Variants in ATP10B observed in about 807,000 individuals in gnomAD.
ATP10B encodes the protein phospholipid-transporting ATPase VB.
A neutral mutation model predicts 141.2 loss-of-function variants in ATP10B; 122 were observed. The ratio of observed to expected loss-of-function variants is 0.86; its 90% CI spans 0.75 to 1.00. The LOEUF is 1.00. Among genes scored for constraint, ATP10B ranks in the 50% least tolerant of loss-of-function variants. The probability of loss-of-function intolerance (pLI) is 0.00; values close to 1 mark genes in which losing one functional copy is unlikely to be tolerated. For missense variants in ATP10B, 1,876 were observed against 1,825.3 expected, an observed-to-expected ratio of 1.03 and a Z score of -0.51; for synonymous variants, 685 against 692.0, an observed-to-expected ratio of 0.99 and a Z score of 0.16.
At chr5:160,727,950 A>T (rs1766474016) in intron 2 of ATP10B, among the ~76,000 whole-genome samples, 1 of 152,200 alleles carries the variant, frequency 6.6e-6, no homozygotes, top group Non-Finnish European at 1.5e-5. Flanking sequence ...TTAGGTCTAC[A>T]ATCTAAGTCT....
At chr5:160,917,329 ATG>A in the ATP10B span, among the ~76,000 whole-genome samples, 3 of 136,594 alleles carry the variant, frequency 2.2e-5, no homozygotes, top group Non-Finnish European at 3.0e-5. Context: ...CCACTCATTC[ATG>A]TGTGAGGGAC....
intron 22 of ATP10B, among the ~76,000 whole-genome samples, chr5:160,597,769 T>G (rs1420390924): frequency 7.9e-5 from 12 of 152,176 alleles, no homozygotes; most frequent in Admixed American, 5.9e-4. Context: ...AGAAGACATT[T>G]ACGCAGCCAA....
the ATP10B span, among the ~76,000 whole-genome samples, chr5:160,892,227 G>C: frequency 6.6e-6 from 1 of 152,254 alleles, no homozygotes; most frequent in Non-Finnish European, 1.5e-5. Flanking sequence ...TGGGATTCAC[G>C]TGATCTGGCT....
chr5:160,905,664 A>C, the ATP10B span, among the ~76,000 whole-genome samples: 1 of 152,182 alleles, frequency 6.6e-6, no homozygotes, highest in Non-Finnish European at 1.5e-5. Flanking sequence ...TAAAGCACTC[A>C]ACAAAGGACC....
At chr5:160,673,446 T>G (rs565669790) in intron 6 of ATP10B, among the ~76,000 whole-genome samples, 1 of 152,352 alleles carries the variant, frequency 6.6e-6, no homozygotes, top group Non-Finnish European at 1.5e-5. Flanking sequence ...CTCATTTAGT[T>G]ATTTAAAAAT....
Position 160,606,944 on chromosome 5 carries a change from G to T in ATP10B, c.2981C>A (p.Ala994Asp). 1 of 1,614,160 alleles carries T rather than the reference G, an allele frequency of 6.2e-7. No homozygotes were observed. The highest frequency in any genetic ancestry group is 8.5e-7 in the Non-Finnish European group (1 of 1,180,010). ...SITSEAVVPE[A>D]GLVIDGKTLN... ...TGTCTTCCCATCGATGACCAATCCA[G>T]CTTCTGGAACCACAGCTTCTGAGGT... is the stretch of plus-strand genomic sequence containing the variant. Residue 994 changes from alanine (A) to aspartate (D), a missense_variant, in exon 19 of 26, where the codon GCT becomes GAT. By Grantham distance (126) the Ala-to-Asp change is moderately radical. Transcript: ENST00000327245.
At chr5:160,650,214 G>A (rs1276579740) in intron 7 of ATP10B, among the ~76,000 whole-genome samples, 2 of 148,248 alleles carry the variant, frequency 1.3e-5, no homozygotes, top group East Asian at 3.9e-4. Flanking sequence ...ACACACATAT[G>A]TACATATACA....
rs1459385621 is a variant in ATP10B at position 160,620,671 on chromosome 5, A to G, written c.2092T>C (p.Ser698Pro). 1 of 1,613,758 alleles carries G rather than the reference A, an allele frequency of 6.2e-7. No individual in the cohort carries two copies. Among genetic ancestry groups the G allele is most frequent in the Non-Finnish European group, 8.5e-7 (1 of 1,179,692 alleles). ...GDILESGSGT[S>P]LEEALEAPAT... is the part of the protein sequence containing the mutation. ...GGGGCCTCCAATGCCTCCTCCAAGGAAGTGCCTGACCCAGACTCCAGGATG... is the reference window on the plus strand; with the variant it reads ...GGGGCCTCCAATGCCTCCTCCAAGGGAGTGCCTGACCCAGACTCCAGGATG... Residue 698 changes from serine (S) to proline (P), a missense_variant, in exon 15 of 26, where the codon TCC becomes CCC. Coordinates refer to ENST00000327245, the MANE Select transcript of ATP10B (RefSeq NM_025153.3).
At chr5:160,789,365 A>C (rs534648131) in intron 1 of ATP10B, among the ~76,000 whole-genome samples, 1 of 152,172 alleles carries the variant, frequency 6.6e-6, no homozygotes, top group Non-Finnish European at 1.5e-5. Context: ...CAGATGGTAA[A>C]GCCTACTCTA....
intron 7 of ATP10B, among the ~76,000 whole-genome samples, chr5:160,657,719 C>T (rs1243597181): frequency 6.6e-6 from 1 of 152,336 alleles, no homozygotes; most frequent in African/African-American, 2.4e-5. Context: ...CTAAAAGGAA[C>T]TAATTGTTGG....
chr5:160,736,321 G>A (rs537516359), intron 2 of ATP10B, among the ~76,000 whole-genome samples: 2 of 152,318 alleles, frequency 1.3e-5, no homozygotes, highest in African/African-American at 4.8e-5. Context: ...GTTAGTGGCT[G>A]CTATGAGCAA....
chr5:160,669,790 C>T (rs1762556722), intron 7 of ATP10B, among the ~76,000 whole-genome samples: 1 of 151,248 alleles, frequency 6.6e-6, no homozygotes, highest in African/African-American at 2.4e-5. Flanking sequence ...TTAGTAGAGA[C>T]AGGGTTTCAC....
chr5:160,732,310 T>A (rs1766803694), intron 2 of ATP10B, among the ~76,000 whole-genome samples: 2 of 152,306 alleles, frequency 1.3e-5, no homozygotes, highest in Non-Finnish European at 1.5e-5. Flanking sequence ...GATACAGCAA[T>A]AAAATTATCA....
chr5:160,580,447 A>T (rs944409539), intron 24 of ATP10B, among the ~76,000 whole-genome samples: 2 of 130,680 alleles, frequency 1.5e-5, no homozygotes, highest in African/African-American at 2.7e-5. Flanking sequence ...GGTTCTGTTT[A>T]TGTGATGGAT....
At chr5:160,673,784 C>T (rs1412698851) in intron 6 of ATP10B, among the ~76,000 whole-genome samples, 1 of 152,132 alleles carries the variant, frequency 6.6e-6, no homozygotes, top group Non-Finnish European at 1.5e-5. Context: ...AATATTTTTC[C>T]TTCTTCAAAG....
At chr5:160,760,033 G>A (rs185504682) in intron 2 of ATP10B, among the ~76,000 whole-genome samples, 2 of 152,272 alleles carry the variant, frequency 1.3e-5, no homozygotes. Context: ...TTTCACAAAT[G>A]TTCTTAGAAT....
rs912102543 is a variant in ATP10B, at chr5:160,653,233, G to A, written c.676-3977C>T. On this transcript the variant is annotated intron_variant, in intron 7 of 25. Transcript: ENST00000327245. ...ATATATCATATATACATACAAATAT[G>A]TAGTATATATACATACGTAGTATAT... is the stretch of plus-strand genomic sequence containing the variant. Among the ~76,000 whole-genome samples, 19 of 126,636 alleles carry A rather than the reference G, an allele frequency of 1.5e-4. No homozygotes were observed. The South Asian group carries it at 3.7e-3, about 25-fold the overall frequency. 83.1% of individuals were successfully genotyped at this position (126,636 alleles called of 152,430 possible).
chr5:160,690,590 C>A (rs999378451), intron 3 of ATP10B, among the ~76,000 whole-genome samples: 7 of 152,014 alleles, frequency 4.6e-5, no homozygotes, highest in Non-Finnish European at 1.0e-4. Context: ...ATGTGGCCAA[C>A]AAACATATGA....
At chr5:160,896,518 C>G in the ATP10B span, among the ~76,000 whole-genome samples, 14 of 152,240 alleles carry the variant, frequency 9.2e-5, no homozygotes, top group Admixed American at 7.8e-4. Flanking sequence ...CCTGAATAGG[C>G]CAATAACAAG....
Sources: allele counts gnomAD v4.1 joint callset (sites outside exome capture counted in the v4.1 genomes callset), GRCh38; gene constraint gnomAD v4.1.1; transcripts MANE v1.5; gene names NCBI Gene and HGNC (gene_info 2026-07-23, HGNC 2026-07-21).